Variants in NREP observed in about 807,000 individuals in gnomAD.
NREP encodes neuronal regeneration related protein.
In NREP, 5 loss-of-function variants were observed where a neutral mutation model predicts 8.6. The ratio of observed to expected loss-of-function variants is 0.58; its 90% confidence interval spans 0.30 to 1.22. The LOEUF (loss-of-function observed/expected upper bound fraction) is 1.22, where lower values mean the gene tolerates loss of function less well. Among genes scored for constraint, NREP ranks in the 50% most tolerant of loss-of-function variants. The probability of loss-of-function intolerance (pLI) is 0.07; values close to 1 mark genes in which losing one functional copy is unlikely to be tolerated. For missense variants in NREP, 86 were observed against 82.5 expected, an observed-to-expected ratio of 1.04 and a Z score of -0.17; for synonymous variants, 27 against 28.0, an observed-to-expected ratio of 0.96 and a Z score of 0.11.
chr5:111,968,411 T>A (rs1005066807), intron 2 of NREP, among the ~76,000 whole-genome samples: 5 of 152,166 alleles, frequency 3.3e-5, no homozygotes, highest in Non-Finnish European at 7.3e-5. Flanking sequence ...ATGTTTAGTT[T>A]GAATAAAAGA....
At chr5:111,954,828 A>G (rs1349361874) in intron 2 of NREP, among the ~76,000 whole-genome samples, 2 of 152,192 alleles carry the variant, frequency 1.3e-5, no homozygotes, top group East Asian at 1.9e-4. Context: ...CAGTTTATTA[A>G]AAGTCTTTCT....
chr5:111,754,178 A>C (rs1002423848), intron 2 of NREP, among the ~76,000 whole-genome samples: 2 of 152,224 alleles, frequency 1.3e-5, no homozygotes, highest in Non-Finnish European at 2.9e-5. Context: ...AACTGCAAAA[A>C]AATTAACACG....
chr5:111,948,644 AT>A (rs1340487967), intron 2 of NREP, among the ~76,000 whole-genome samples: 1 of 152,048 alleles, frequency 6.6e-6, no homozygotes, highest in Admixed American at 6.6e-5. Context: ...TATGGAAAAA[AT>A]TTCGAAACAC....
At chr5:111,755,545 G>A in intron 2 of NREP, 1 of 575,466 alleles carries the variant, frequency 1.7e-6, no homozygotes. Context: ...AGGAATTTTA[G>A]TTTTCTATTC....
At chr5:111,731,867 C>A (rs1748617930) in intron 3 of NREP, 1 of 152,416 alleles carries the variant, frequency 6.6e-6, no homozygotes, top group African/African-American at 2.4e-5. Flanking sequence ...GAGAGGAGCT[C>A]TCCATCACAA....
intron 2 of NREP, among the ~76,000 whole-genome samples, chr5:111,918,962 A>T (rs1167358471): frequency 1.3e-5 from 2 of 152,222 alleles, no homozygotes; most frequent in Non-Finnish European, 2.9e-5. Context: ...GAATGGAAGA[A>T]AAGTTTTATA....
chr5:111,804,065 G>A (rs747213767), intron 2 of NREP, among the ~76,000 whole-genome samples: 1 of 152,098 alleles, frequency 6.6e-6, no homozygotes, highest in Non-Finnish European at 1.5e-5. Context: ...AGTGGTCAGG[G>A]AAAGTTTAAT....
At chr5:111,920,366 G>A (rs1315480641) in intron 2 of NREP, among the ~76,000 whole-genome samples, 1 of 151,856 alleles carries the variant, frequency 6.6e-6, no homozygotes, top group Admixed American at 6.6e-5. Flanking sequence ...ATATGTATAC[G>A]TGTGTCATGG....
At chr5:111,821,079 A>C (rs1353200510) in intron 2 of NREP, among the ~76,000 whole-genome samples, 1 of 152,196 alleles carries the variant, frequency 6.6e-6, no homozygotes, top group Non-Finnish European at 1.5e-5. Context: ...ATTCTGATAT[A>C]TAATTAGGTT....
chr5:111,974,189 T>C (rs1488825512), intron 2 of NREP, among the ~76,000 whole-genome samples: 1 of 152,236 alleles, frequency 6.6e-6, no homozygotes, highest in Non-Finnish European at 1.5e-5. Flanking sequence ...CTGCCAATTA[T>C]TCTGGGTCTG....
intron 2 of NREP, among the ~76,000 whole-genome samples, chr5:111,770,554 CTTTTTTTTTT>C (rs34538408): frequency 4.9e-3 from 358 of 73,590 alleles, no homozygotes; most frequent in African/African-American, 7.3e-3. Context: ...GAATTATTTC[CTTTTTTTTTT>C]TTTTTTTTTT....
chr5:111,961,333 T>C (rs539296661), intron 2 of NREP, among the ~76,000 whole-genome samples: 1 of 152,330 alleles, frequency 6.6e-6, no homozygotes, highest in African/African-American at 2.4e-5. Flanking sequence ...GGAAAATAAG[T>C]GTTAATAAGC....
intron 2 of NREP, among the ~76,000 whole-genome samples, chr5:111,918,902 A>G (rs1755143044): frequency 6.6e-6 from 1 of 152,020 alleles, no homozygotes; most frequent in African/African-American, 2.4e-5. Context: ...AGAAAACAAA[A>G]CAAAACAAAA....
chr5:111,872,069 TAC>T (rs748675211), intron 2 of NREP, among the ~76,000 whole-genome samples: 285 of 151,374 alleles, frequency 1.9e-3, no homozygotes, highest in Non-Finnish European at 3.1e-3. Flanking sequence ...TAAATATATA[TAC>T]ACACACATAT....
Position 111,897,492 on chromosome 5 carries a change from C to T in NREP, c.135+77782G>A, listed in dbSNP as rs553986195. 5.2e-3 allele frequency among the ~76,000 whole-genome samples: 799 copies of T among 152,250 alleles called. 11 individuals are homozygous for T. The highest frequency in any genetic ancestry group is 6.8e-3 in the Non-Finnish European group (463 of 68,026). Reference sequence around the variant, plus strand: ...CCCTCTATATAATATACTTTTCCCACACTTAATAAAATTCTTGTGACTGCC... The same window carrying T: ...CCCTCTATATAATATACTTTTCCCATACTTAATAAAATTCTTGTGACTGCC... On this transcript the variant is annotated intron_variant, in intron 2 of 3. Transcript: ENST00000395634.
intron 2 of NREP, among the ~76,000 whole-genome samples, chr5:111,753,101 C>G (rs1232216135): frequency 2.6e-5 from 4 of 151,298 alleles, no homozygotes; most frequent in Non-Finnish European, 5.9e-5. Context: ...GGCATATTTA[C>G]TAGAAAACAA....
intron 2 of NREP, among the ~76,000 whole-genome samples, chr5:111,849,010 G>A (rs764203526): frequency 2.9e-4 from 44 of 152,064 alleles, no homozygotes; most frequent in Non-Finnish European, 6.0e-4. Flanking sequence ...GTTAACCTCT[G>A]GTGTACAAAT....
At chr5:111,775,895 A>G (rs1317920746) in intron 2 of NREP, among the ~76,000 whole-genome samples, 4 of 152,210 alleles carry the variant, frequency 2.6e-5, no homozygotes, top group African/African-American at 9.6e-5. Flanking sequence ...GAAGGATATT[A>G]AAAGATAGAT....
chr5:111,810,006 A>G (rs1175228402), intron 2 of NREP, among the ~76,000 whole-genome samples: 3 of 152,028 alleles, frequency 2.0e-5, no homozygotes, highest in Non-Finnish European at 4.4e-5. Flanking sequence ...CCAAGTATAG[A>G]CAGCAGTGAT....
Sources: gnomAD v4.1 joint callset for allele counts (sites outside exome capture counted in the v4.1 genomes callset) on GRCh38, gnomAD v4.1.1 for gene constraint, MANE v1.5 for transcripts, NCBI Gene and HGNC (gene_info 2026-07-23, HGNC 2026-07-21) for gene names.